The following KCNAB1 variants were observed in gnomAD, a reference collection of about 807,000 sequenced individuals.
The protein encoded by KCNAB1 is potassium voltage-gated channel subfamily A regulatory beta subunit 1, also known as voltage-gated potassium channel subunit beta-1.
In KCNAB1, 35 loss-of-function variants were observed where a neutral mutation model predicts 64.6. The ratio of observed to expected loss-of-function variants is 0.54; its 90% CI spans 0.41 to 0.72. The LOEUF is 0.72. KCNAB1 is among the 30% of genes least tolerant of loss of function. KCNAB1 has a pLI of 0.00. For synonymous variants in KCNAB1, 177 were observed against 183.8 expected, an observed-to-expected ratio of 0.96 and a Z score of 0.30; for missense variants, 401 against 512.9, an observed-to-expected ratio of 0.78 and a Z score of 2.11.
chr3:156,226,611 G>A (rs763479097), intron 1 of KCNAB1, among the ~76,000 whole-genome samples: 43 of 152,050 alleles, frequency 2.8e-4, no homozygotes, highest in Non-Finnish European at 5.0e-4. Context: ...ATAATCAGCA[G>A]GGTTAACAGA....
intron 13 of KCNAB1, among the ~76,000 whole-genome samples, chr3:156,532,967 T>C (rs1718804023): frequency 6.6e-6 from 1 of 152,190 alleles, no homozygotes; most frequent in African/African-American, 2.4e-5. Context: ...GACCTGGCCT[T>C]CAAAGAGCTC....
chr3:156,248,494 G>A (rs1158616986), intron 1 of KCNAB1, among the ~76,000 whole-genome samples: 1 of 68,842 alleles, frequency 1.5e-5, no homozygotes, highest in African/African-American at 5.9e-5. Context: ...TTTTTTTTTG[G>A]TAACAGACCC....
intron 8 of KCNAB1, among the ~76,000 whole-genome samples, chr3:156,484,345 T>C (rs1715047793): frequency 1.3e-5 from 2 of 152,040 alleles, no homozygotes; most frequent in South Asian, 4.2e-4. Flanking sequence ...TCTTTTTCCC[T>C]TAAGTTGTTT....
At chr3:156,366,114 T>C (rs1187972281) in intron 1 of KCNAB1, among the ~76,000 whole-genome samples, 1 of 152,204 alleles carries the variant, frequency 6.6e-6, no homozygotes, top group East Asian at 1.9e-4. Flanking sequence ...AATATCACAA[T>C]ATGTGCAATA....
At chr3:156,232,426 T>A (rs144170220) in intron 1 of KCNAB1, among the ~76,000 whole-genome samples, 7 of 152,376 alleles carry the variant, frequency 4.6e-5, no homozygotes, top group African/African-American at 1.7e-4. Context: ...TTAGACAGGC[T>A]CTTATTTGCT....
intron 1 of KCNAB1, among the ~76,000 whole-genome samples, chr3:156,232,589 C>A (rs140182646): frequency 6.6e-6 from 1 of 152,236 alleles, no homozygotes; most frequent in African/African-American, 2.4e-5. Flanking sequence ...CAGAAGCCCA[C>A]GCCAGATGAA....
Position 156,537,609 on chromosome 3 carries a change from A to G in KCNAB1, c.*862A>G, listed in dbSNP as rs2108437167. On this transcript the variant is annotated 3_prime_UTR_variant, in exon 14 of 14. Coordinates refer to ENST00000490337, the MANE Select transcript of KCNAB1 (RefSeq NM_172160.3). Reference sequence around the variant, plus strand: ...TCAAAGAAAATGCAATGTATCTGCAATTAGGTGTTCATTTTTTACTACATT... The same window carrying G: ...TCAAAGAAAATGCAATGTATCTGCAGTTAGGTGTTCATTTTTTACTACATT... 3 of 152,814 alleles carry G rather than the reference A, an allele frequency of 2.0e-5. No homozygotes were observed. The South Asian group carries it at 6.2e-4, about 32-fold the overall frequency. 9.5% of individuals were successfully genotyped at this position (152,814 alleles called of 1,614,324 possible). A position where few individuals can be genotyped will look rare whatever the true frequency, so the allele number is the denominator to read the frequency against.
chr3:156,346,104 T>G (rs939897348), intron 1 of KCNAB1, among the ~76,000 whole-genome samples: 1 of 151,854 alleles, frequency 6.6e-6, no homozygotes, highest in Non-Finnish European at 1.5e-5. Context: ...TTAATTATAT[T>G]TTTTGGAACT....
intron 1 of KCNAB1, among the ~76,000 whole-genome samples, chr3:156,221,904 C>A (rs1715788792): frequency 6.6e-6 from 1 of 151,912 alleles, no homozygotes; most frequent in Admixed American, 6.6e-5. Flanking sequence ...ACTGTAAGAA[C>A]TGCTAGACGG....
In KCNAB1 at chr3:156,457,228, C is replaced by T; in HGVS notation, c.358-225C>T. On this transcript the variant is annotated intron_variant, in intron 3 of 13. Coordinates refer to ENST00000490337, the MANE Select transcript of KCNAB1 (RefSeq NM_172160.3). ...CTATCCACTTTGGGCAGGCTAAATC[C>T]CAGCCTTCAAGTAACCCCTCAGTGC... The T allele has an allele frequency of 7.5e-6, 10 of 1,334,570 alleles. No individual in the cohort carries two copies. In the South Asian group the frequency reaches 1.4e-4, roughly 19 times the overall value. The allele number at this position is 1,334,570 out of a possible 1,614,324, so 82.7% of individuals were successfully genotyped here.
chr3:156,304,400 C>T (rs887065686), intron 1 of KCNAB1, among the ~76,000 whole-genome samples: 6 of 152,042 alleles, frequency 3.9e-5, no homozygotes, highest in East Asian at 1.9e-4. Context: ...TTTAAGTTAC[C>T]GCAACTGAGG....
At chr3:156,497,142 G>A (rs1209886698) in intron 8 of KCNAB1, among the ~76,000 whole-genome samples, 1 of 152,122 alleles carries the variant, frequency 6.6e-6, no homozygotes, top group Non-Finnish European at 1.5e-5. Context: ...TTACCTTTTG[G>A]TTAGTTAACA....
intron 1 of KCNAB1, among the ~76,000 whole-genome samples, chr3:156,168,663 A>G (rs1711761899): frequency 6.6e-6 from 1 of 152,246 alleles, no homozygotes; most frequent in African/African-American, 2.4e-5. Flanking sequence ...TTTTTGAAGT[A>G]TATTTGCTTT....
chr3:156,461,585 G>C (rs1712914769), intron 5 of KCNAB1, among the ~76,000 whole-genome samples: 1 of 152,134 alleles, frequency 6.6e-6, no homozygotes, highest in South Asian at 2.1e-4. Context: ...AATTATAACA[G>C]AAACCTTGGA....
intron 1 of KCNAB1, chr3:156,143,503 C>A: frequency 1.1e-6 from 1 of 892,668 alleles, no homozygotes; most frequent in Non-Finnish European, 1.6e-6. Flanking sequence ...ACTGAAATAG[C>A]AAGACAAAAC....
At position 156,474,798 on chromosome 3, in the gene KCNAB1, G is replaced by C. The variant is rs143939458; in HGVS notation, c.636G>C (p.Pro212=). 6.2e-7 allele frequency: 1 copy of C among 1,612,740 alleles called. No homozygotes were observed. The highest frequency in any genetic ancestry group is 1.3e-5 in the African/African-American group (1 of 74,916). The change falls in exon 8 of 14, where the codon CCG becomes CCC. Residue 212 remains proline (P), a synonymous_variant. Transcript: ENST00000490337. ...TGGATGTGGTCTTTGCAAATCGACC[G>C]GACAGTAACACTCCCATGGAAGGTA... is the stretch of plus-strand genomic sequence containing the variant. ...EYVDVVFANR[P]DSNTPMEEIV... is the part of the protein sequence containing the mutation.
chr3:156,343,150 C>T (rs1211946313), intron 1 of KCNAB1, among the ~76,000 whole-genome samples: 1 of 152,184 alleles, frequency 6.6e-6, no homozygotes, highest in African/African-American at 2.4e-5. Flanking sequence ...AGCTACAGCT[C>T]TCTAGTTGCT....
intron 1 of KCNAB1, among the ~76,000 whole-genome samples, chr3:156,398,129 C>T (rs1713600935): frequency 6.6e-6 from 1 of 151,968 alleles, no homozygotes; most frequent in South Asian, 2.1e-4. Context: ...CAAACTCACA[C>T]AGAAACAGAG....
intron 1 of KCNAB1, among the ~76,000 whole-genome samples, chr3:156,121,432 A>C (rs1254472286): frequency 6.6e-6 from 1 of 152,162 alleles, no homozygotes; most frequent in Non-Finnish European, 1.5e-5. Context: ...ATCAGGAGAA[A>C]AAGGTAACTT....
Sources: allele counts gnomAD v4.1 joint callset (sites outside exome capture counted in the v4.1 genomes callset), GRCh38; gene constraint gnomAD v4.1.1; transcripts MANE v1.5; gene names NCBI Gene and HGNC (gene_info 2026-07-23, HGNC 2026-07-21).